The following PRRC2B variants were observed in gnomAD, a reference collection of about 807,000 sequenced individuals.
PRRC2B encodes the protein protein PRRC2B.
A neutral mutation model predicts 242.3 loss-of-function variants in PRRC2B; 68 were observed. The observed-to-expected ratio is 0.28, with a 90% CI of 0.23 to 0.34. The LOEUF (loss-of-function observed/expected upper bound fraction) is 0.34. Ranked by LOEUF, PRRC2B falls within the 10% of genes least tolerant of loss-of-function variation. The pLI, the probability that PRRC2B is intolerant of heterozygous loss-of-function variation, is 1.00. For missense variants in PRRC2B, 2,835 were observed against 2,954.8 expected, an observed-to-expected ratio of 0.96 and a Z score of 0.94; for synonymous variants, 1,228 against 1,173.6, an observed-to-expected ratio of 1.05 and a Z score of -0.95.
chr9:131,487,994 C>G lies in PRRC2B; in HGVS notation c.6123C>G (p.Pro2041=). Residue 2041 remains proline, a synonymous_variant, in exon 28 of 32, where the codon CCC becomes CCG. Transcript: ENST00000683519. The surrounding 1 kb of genome is among the most constrained non-coding windows in gnomAD (Gnocchi z 5.3). ...LEMVKPQSGS[P]YQPMSGNQAL... is the part of the protein sequence containing the mutation. ...TGGTGAAGCCGCAGTCTGGCTCACCCTACCAGCCCATGAGCGGGAACCAAG... is the reference window on the plus strand; with the variant it reads ...TGGTGAAGCCGCAGTCTGGCTCACCGTACCAGCCCATGAGCGGGAACCAAG... 1 of 1,612,266 alleles carries G rather than the reference C, an allele frequency of 6.2e-7. No individual in the cohort carries two copies. Among genetic ancestry groups the G allele is most frequent in the Non-Finnish European group, 8.5e-7 (1 of 1,179,182 alleles).
intron 4 of PRRC2B, 46 bp downstream of exon 4, chr9:131,436,768 C>A: frequency 1.4e-6 from 2 of 1,478,586 alleles, no homozygotes; most frequent in Non-Finnish European, 1.9e-6. Flanking sequence ...GCATGGTAGC[C>A]CCTAAATCTC....
intron 26 of PRRC2B, chr9:131,486,460 G>T (rs1944028376): frequency 1.0e-6 from 1 of 984,870 alleles, no homozygotes; most frequent in Non-Finnish European, 1.2e-6. Context: ...TAGCTAAAAT[G>T]GAATTTTCTT....
At chr9:131,393,128 A>G (rs1425218046), upstream of PRRC2B, among the ~76,000 whole-genome samples, 1 of 152,096 alleles carries the variant, frequency 6.6e-6, no homozygotes, top group Non-Finnish European at 1.5e-5. Flanking sequence ...GGCCTGGGGC[A>G]CATTCTCTCA....
At position 131,491,493 on chromosome 9, in the gene PRRC2B, G is replaced by T; in HGVS notation, c.6294G>T (p.Leu2098=). ...QPLILPQSIQ[L]PPGQSLSVGA... is the part of the protein sequence containing the mutation. Reference sequence around the variant, plus strand: ...TGATCCTGCCCCAGTCTATTCAGCTGCCACCTGGGCAGAGCCTCTCCGTTG... The same window carrying T: ...TGATCCTGCCCCAGTCTATTCAGCTTCCACCTGGGCAGAGCCTCTCCGTTG... Residue 2098 remains leucine (L), a synonymous_variant, in exon 29 of 32, where the codon CTG becomes CTT. Transcript: ENST00000683519. 1 of 1,612,404 alleles carries T rather than the reference G, an allele frequency of 6.2e-7. No individual in the cohort carries two copies. Among genetic ancestry groups the T allele is most frequent in the East Asian group, 2.2e-5 (1 of 44,844 alleles).
intron 1 of PRRC2B, among the ~76,000 whole-genome samples, chr9:131,375,783 C>T (rs753519552): frequency 2.0e-5 from 3 of 152,120 alleles, no homozygotes; most frequent in African/African-American, 4.8e-5. Context: ...AATCCCAGCA[C>T]TTAGGGCAGC....
chr9:131,388,225 A>G (rs1564270758), intron 1 of PRRC2B, among the ~76,000 whole-genome samples: 1 of 146,440 alleles, frequency 6.8e-6, no homozygotes, highest in Non-Finnish European at 1.5e-5. Flanking sequence ...TAATTTCATC[A>G]ACTTTTACTT....
At chr9:131,453,652 C>T (rs1404548769) in intron 9 of PRRC2B, among the ~76,000 whole-genome samples, 1 of 152,140 alleles carries the variant, frequency 6.6e-6, no homozygotes, top group East Asian at 1.9e-4. Flanking sequence ...TCACCTCAGC[C>T]TCCGGAGTAG....
At position 131,453,514 on chromosome 9, in the gene PRRC2B, A is replaced by G. The variant is rs145956404; in HGVS notation, c.1121-1562A>G. ...TAGTCTCCTGTGTAGCCAGGACTGC[A>G]GGCATACATCATGGTGCTTAGTTAG... On this transcript the variant is annotated intron_variant, in intron 9 of 31. Coordinates refer to ENST00000683519, the MANE Select transcript of PRRC2B (RefSeq NM_013318.4). Among the ~76,000 whole-genome samples, 5 of 152,250 alleles carry G rather than the reference A, an allele frequency of 3.3e-5. No individual in the cohort carries two copies. In the East Asian group the frequency reaches 9.6e-4, roughly 29 times the overall value.
intron 1 of PRRC2B, among the ~76,000 whole-genome samples, chr9:131,395,130 G>A (rs1423960601): frequency 6.6e-6 from 1 of 151,942 alleles, no homozygotes; most frequent in African/African-American, 2.4e-5. Flanking sequence ...CCACCTTTAG[G>A]CAAGAATTGG....
intron 1 of PRRC2B, among the ~76,000 whole-genome samples, chr9:131,378,309 C>CAAA (rs761589088): frequency 3.4e-5 from 2 of 58,572 alleles, no homozygotes; most frequent in African/African-American, 6.7e-5. Context: ...AACTCTGTCT[C>CAAA]AAAAAAAAAA....
chr9:131,424,782 G>T (rs145699365), intron 1 of PRRC2B, among the ~76,000 whole-genome samples: 3 of 152,328 alleles, frequency 2.0e-5, no homozygotes, highest in Non-Finnish European at 4.4e-5. Flanking sequence ...TCTTGTACTG[G>T]CTTCACCAAG....
rs949531035 is a variant in PRRC2B, at chr9:131,495,767, A to G, written c.6583A>G (p.Ser2195Gly). 2 of 1,612,324 alleles carry G rather than the reference A, an allele frequency of 1.2e-6. No homozygotes were observed. The highest frequency in any genetic ancestry group is 1.7e-6 in the Non-Finnish European group (2 of 1,178,578). The stretch of plus-strand genomic sequence containing the variant: ...AAAACAACGAGTGGATGAGAAACCC[A>G]GCCTGGGAGCCGTGAAGCTGCAGGA... ...QAKQRVDEKP[S>G]LGAVKLQEAP... is the part of the protein sequence containing the mutation. The change falls in exon 32 of 32, where the codon AGC becomes GGC. Residue 2195 changes from serine (S) to glycine (G), a missense_variant. Transcript: ENST00000683519.
chr9:131,452,054 A>G (rs1942937551), intron 9 of PRRC2B, among the ~76,000 whole-genome samples: 1 of 150,992 alleles, frequency 6.6e-6, no homozygotes, highest in Admixed American at 6.6e-5. Context: ...TGAGTTGTGG[A>G]GTGTTCTTCT....
At chr9:131,381,390 C>T (rs1309762018) in intron 1 of PRRC2B, among the ~76,000 whole-genome samples, 3 of 150,578 alleles carry the variant, frequency 2.0e-5, no homozygotes, top group Non-Finnish European at 2.9e-5. Flanking sequence ...GCTTCTTATA[C>T]TCAACCAGAG....
At chr9:131,453,965 C>T (rs1217827477) in intron 9 of PRRC2B, among the ~76,000 whole-genome samples, 2 of 152,106 alleles carry the variant, frequency 1.3e-5, no homozygotes, top group African/African-American at 4.8e-5. Context: ...CAACTACCAC[C>T]ACTATTCAAT....
Position 131,453,682 on chromosome 9 carries a change from C to G in PRRC2B, c.1121-1394C>G, listed in dbSNP as rs555369340. ...GAGTAGCTGGGACTACAGGTGTGCA[C>G]CCCCATGGCTGGCTACTTTTCTGTA... On this transcript the variant is annotated intron_variant, in intron 9 of 31. Transcript: ENST00000683519. Among the ~76,000 whole-genome samples, 20 of 152,238 alleles carry G rather than the reference C, an allele frequency of 1.3e-4. No homozygotes were observed. The South Asian group carries it at 3.9e-3, about 30-fold the overall frequency.
At chr9:131,433,437 C>T (rs1838243789) in intron 3 of PRRC2B, among the ~76,000 whole-genome samples, 1 of 152,168 alleles carries the variant, frequency 6.6e-6, no homozygotes, top group Non-Finnish European at 1.5e-5. Context: ...AGAAACAGCC[C>T]CTGTGTGGTG....
intron 18 of PRRC2B, 46 bp from the exon 19 acceptor site, chr9:131,479,206 G>A (rs777756433): frequency 1.5e-5 from 24 of 1,602,456 alleles, no homozygotes; most frequent in Non-Finnish European, 1.9e-5. Context: ...GAATTTGTCA[G>A]TCTTGGTGCC....
intron 1 of PRRC2B, among the ~76,000 whole-genome samples, chr9:131,415,212 C>G (rs538334245): frequency 6.6e-6 from 1 of 152,136 alleles, no homozygotes; most frequent in East Asian, 1.9e-4. Flanking sequence ...TCAGGCTGGT[C>G]TTGAACTCCG....
Sources: gnomAD v4.1 joint callset for allele counts (sites outside exome capture counted in the v4.1 genomes callset) on GRCh38, gnomAD v4.1.1 for gene constraint, Gnocchi (gnomAD v3.1) non-coding constraint, MANE v1.5 for transcripts, NCBI Gene and HGNC (gene_info 2026-07-23, HGNC 2026-07-21) for gene names.